The following SPOCK3 variants were observed in gnomAD, a reference collection of about 807,000 sequenced individuals.
SPOCK3 encodes the protein SPARC (osteonectin), cwcv and kazal like domains proteoglycan 3.
A neutral mutation model predicts 56.6 loss-of-function variants in SPOCK3; 30 were observed. The observed-to-expected ratio is 0.53, with a 90% CI of 0.40 to 0.72. SPOCK3 has a LOEUF of 0.72. Among genes scored for constraint, SPOCK3 ranks in the 30% least tolerant of loss-of-function variants. SPOCK3 has a pLI of 0.00. For synonymous variants in SPOCK3, 196 were observed against 183.3 expected (o/e 1.07, Z -0.56); for missense variants, 527 against 530.0 (o/e 0.99, Z 0.06).
At chr4:167,137,119 C>T (rs958597593) in intron 2 of SPOCK3, among the ~76,000 whole-genome samples, 5 of 152,064 alleles carry the variant, frequency 3.3e-5, no homozygotes, top group Admixed American at 3.3e-4. Context: ...AATGCAGCCT[C>T]TTATTTCCCT....
chr4:166,790,010 T>C (rs921031531), intron 7 of SPOCK3, among the ~76,000 whole-genome samples: 6 of 152,158 alleles, frequency 3.9e-5, no homozygotes, highest in African/African-American at 1.2e-4. Flanking sequence ...TAATGAATAT[T>C]ATCAATAATC....
At chr4:166,792,363 C>T in intron 6 of SPOCK3, 74 bp from the exon 7 acceptor site, 1 of 1,514,252 alleles carries the variant, frequency 6.6e-7, no homozygotes, top group Non-Finnish European at 9.1e-7. Flanking sequence ...CTCATTAGTC[C>T]AATAAACTGA....
rs565303673 is a variant in SPOCK3, at chr4:167,068,079, T to G, written c.190-5542A>C. Among the ~76,000 whole-genome samples the G allele has an allele frequency of 7.4e-5, 9 of 121,342 alleles. 2 individuals carry two copies. The highest frequency in any genetic ancestry group is 2.1e-4 in the African/African-American group (8 of 37,792). 79.6% of individuals were successfully genotyped at this position (121,342 alleles called of 152,430 possible). ...TAAATTAGGATGAAAAAATAAAAATTTAATAAAATGCTAAAAAGAATAATT... is the reference window on the plus strand; with the variant it reads ...TAAATTAGGATGAAAAAATAAAAATGTAATAAAATGCTAAAAAGAATAATT... On this transcript the variant is annotated intron_variant, in intron 2 of 10. Coordinates refer to ENST00000357545, the MANE Select transcript of SPOCK3 (RefSeq NM_001040159.2).
At chr4:166,896,611 T>C (rs1192650039) in intron 5 of SPOCK3, among the ~76,000 whole-genome samples, 1 of 152,176 alleles carries the variant, frequency 6.6e-6, no homozygotes, top group Admixed American at 6.5e-5. Flanking sequence ...CCCATCTTTA[T>C]GTGGATGAGT....
intron 6 of SPOCK3, among the ~76,000 whole-genome samples, chr4:166,825,871 C>T (rs780628261): frequency 6.5e-4 from 99 of 152,020 alleles, no homozygotes; most frequent in Non-Finnish European, 1.2e-3. Flanking sequence ...AACAATAGAA[C>T]GGACTTTGAG....
At chr4:167,065,972 G>A (rs748716637) in intron 2 of SPOCK3, among the ~76,000 whole-genome samples, 1 of 151,788 alleles carries the variant, frequency 6.6e-6, no homozygotes, top group Non-Finnish European at 1.5e-5. Flanking sequence ...TGTCACATAT[G>A]TTCAAAAACT....
chr4:167,142,704 G>A (rs1473434300), intron 2 of SPOCK3, among the ~76,000 whole-genome samples: 1 of 151,916 alleles, frequency 6.6e-6, no homozygotes, highest in Non-Finnish European at 1.5e-5. Context: ...AGATTAAGCC[G>A]ATGAAAACTA....
rs556098741 is a variant in SPOCK3, at chr4:166,978,832, A to C, written c.350+21517T>G. Among the ~76,000 whole-genome samples the C allele has an allele frequency of 2.6e-5, 4 of 152,314 alleles. No individual in the cohort carries two copies. The East Asian group carries it at 7.7e-4, about 29-fold the overall frequency. ...ATTAAGGGAAAAAGAAAATAATAAA[A>C]TGCATTTGTTTGTATGTGAATAAAA... On this transcript the variant is annotated intron_variant, in intron 4 of 10. Transcript: ENST00000357545.
chr4:167,162,423 T>C (rs1561281409), intron 2 of SPOCK3, among the ~76,000 whole-genome samples: 1 of 152,158 alleles, frequency 6.6e-6, no homozygotes, highest in Non-Finnish European at 1.5e-5. Flanking sequence ...CTTTCAAATC[T>C]GTGCTGTCCA....
intron 6 of SPOCK3, among the ~76,000 whole-genome samples, chr4:166,886,422 T>C (rs973678994): frequency 6.6e-6 from 1 of 152,134 alleles, no homozygotes; most frequent in African/African-American, 2.4e-5. Flanking sequence ...TGTATGCTTA[T>C]CTACTTATGT....
intron 3 of SPOCK3, among the ~76,000 whole-genome samples, chr4:167,059,715 C>T (rs544998407): frequency 8.5e-5 from 13 of 152,142 alleles, no homozygotes; most frequent in East Asian, 3.9e-4. Flanking sequence ...ATGTTTATTG[C>T]GGCACTATTC....
Position 167,065,990 on chromosome 4 carries a change from T to G in SPOCK3, c.190-3453A>C, listed in dbSNP as rs374312981. 1.5e-4 allele frequency among the ~76,000 whole-genome samples: 23 copies of G among 151,914 alleles called. No individual in the cohort carries two copies. In the East Asian group the frequency reaches 4.1e-3, roughly 27 times the overall value. ...CACATATGTTCAAAAACTTATGGAG[T>G]GAGTTACAGACACCATTAGAATTTA... On this transcript the variant is annotated intron_variant, in intron 2 of 10. Transcript: ENST00000357545.
intron 6 of SPOCK3, among the ~76,000 whole-genome samples, chr4:166,801,580 A>C (rs1742599512): frequency 6.6e-6 from 1 of 152,128 alleles, no homozygotes; most frequent in Non-Finnish European, 1.5e-5. Flanking sequence ...AAAACCTTAA[A>C]AATTCAGTTA....
intron 7 of SPOCK3, among the ~76,000 whole-genome samples, chr4:166,787,906 G>T (rs1055231513): frequency 6.6e-6 from 1 of 152,108 alleles, no homozygotes; most frequent in Non-Finnish European, 1.5e-5. Flanking sequence ...ATTTGGCCAG[G>T]AGCAGTGGCT....
chr4:167,076,155 A>G (rs1338615138), intron 2 of SPOCK3, among the ~76,000 whole-genome samples: 1 of 151,952 alleles, frequency 6.6e-6, no homozygotes, highest in Admixed American at 6.6e-5. Flanking sequence ...TGGGGAGAAG[A>G]ATGAGGCAGA....
intron 6 of SPOCK3, among the ~76,000 whole-genome samples, chr4:166,813,715 T>C (rs1187042932): frequency 6.6e-6 from 1 of 151,860 alleles, no homozygotes; most frequent in East Asian, 1.9e-4. Context: ...TTTATGGAAA[T>C]TGCATATTAT....
intron 4 of SPOCK3, among the ~76,000 whole-genome samples, chr4:166,978,437 T>C (rs893290478): frequency 5.9e-5 from 9 of 152,152 alleles, no homozygotes; most frequent in Non-Finnish European, 1.3e-4. Flanking sequence ...ATCTCTATTG[T>C]TTGAACAAAA....
At chr4:167,138,151 C>A (rs1055781469) in intron 2 of SPOCK3, among the ~76,000 whole-genome samples, 2 of 151,590 alleles carry the variant, frequency 1.3e-5, no homozygotes, top group Non-Finnish European at 3.0e-5. Flanking sequence ...AATCCAAGCA[C>A]CTTTCAGATC....
At chr4:167,058,677 G>C (rs1755200832) in intron 3 of SPOCK3, among the ~76,000 whole-genome samples, 1 of 152,116 alleles carries the variant, frequency 6.6e-6, no homozygotes. Context: ...AACCAAAAAA[G>C]AGCCCGCATC....
Sources: allele counts gnomAD v4.1 joint callset (sites outside exome capture counted in the v4.1 genomes callset), GRCh38; gene constraint gnomAD v4.1.1; transcripts MANE v1.5; gene names NCBI Gene and HGNC (gene_info 2026-07-23, HGNC 2026-07-21).